TMPRSS11A: variants seen among roughly 807,000 people sequenced by gnomAD.
TMPRSS11A encodes the protein transmembrane protease serine 11A.
In TMPRSS11A, 53 loss-of-function variants were observed where a neutral mutation model predicts 58.9. That is an observed-to-expected ratio of 0.90 (90% confidence interval 0.72 to 1.13). The LOEUF is 1.13. TMPRSS11A is among the 50% of genes most tolerant of loss of function. TMPRSS11A has a pLI of 0.00. For synonymous variants in TMPRSS11A, 167 were observed against 169.8 expected (o/e 0.98, Z 0.13); for missense variants, 493 against 499.3 (o/e 0.99, Z 0.12).
chr4:67,939,191 G>A (rs770427437), intron 3 of TMPRSS11A, among the ~76,000 whole-genome samples: 40 of 151,884 alleles, frequency 2.6e-4, no homozygotes, highest in Non-Finnish European at 5.4e-4. Flanking sequence ...TTGAAAATGG[G>A]ATTGTGTTCT....
intron 9 of TMPRSS11A, among the ~76,000 whole-genome samples, chr4:67,914,149 T>C (rs774272236): frequency 3.3e-5 from 5 of 152,252 alleles, no homozygotes; most frequent in Non-Finnish European, 5.9e-5. Flanking sequence ...AACATTATTT[T>C]CTTATTCTGA....
At chr4:67,962,724 G>T (rs1721468386) in intron 1 of TMPRSS11A, among the ~76,000 whole-genome samples, 1 of 152,154 alleles carries the variant, frequency 6.6e-6, no homozygotes, top group Admixed American at 6.5e-5. Flanking sequence ...GTTATGCCAA[G>T]GAATCTTATT....
intron 9 of TMPRSS11A, among the ~76,000 whole-genome samples, chr4:67,911,906 A>G (rs1719990989): frequency 6.6e-6 from 1 of 152,128 alleles, no homozygotes; most frequent in South Asian, 2.1e-4. Context: ...CTAGGTTTAG[A>G]CAGTAAATAT....
At position 67,912,303 on chromosome 4, in the gene TMPRSS11A, C is replaced by CAT. The variant is rs1217173145; in HGVS notation, c.1096-801_1096-800insAT. On this transcript the variant is annotated intron_variant, in intron 9 of 9. Transcript: ENST00000508048. ...ATCAACACACACACACACACACACA[C>CAT]ACATACACACATACACATACACATA... Among the ~76,000 whole-genome samples, 99 of 151,998 alleles carry CAT rather than the reference C, an allele frequency of 6.5e-4. 1 individual carries two copies. Among genetic ancestry groups the CAT allele is most frequent in the East Asian group, 3.9e-4 (2 of 5,168 alleles).
At chr4:67,924,941 T>C (rs1393825054) in intron 5 of TMPRSS11A, among the ~76,000 whole-genome samples, 1 of 151,366 alleles carries the variant, frequency 6.6e-6, no homozygotes, top group Non-Finnish European at 1.5e-5. Flanking sequence ...TCTGCTTTGA[T>C]CTCTTCTATT....
intron 2 of TMPRSS11A, among the ~76,000 whole-genome samples, chr4:67,945,511 C>A (rs999956066): frequency 5.3e-5 from 8 of 152,278 alleles, no homozygotes; most frequent in African/African-American, 1.7e-4. Context: ...ATACTGTTAA[C>A]AAACCTTACT....
At chr4:67,946,732 A>AAG (rs749233021) in intron 1 of TMPRSS11A, among the ~76,000 whole-genome samples, 161 bp from the exon 2 acceptor site, 7 of 151,858 alleles carry the variant, frequency 4.6e-5, no homozygotes, top group Non-Finnish European at 7.4e-5. Flanking sequence ...GTGTTAAAAA[A>AAG]AAAAAATCAG....
In TMPRSS11A at chr4:67,963,417, T is replaced by C. The variant is rs1304612804; in HGVS notation, c.-24A>G. 1.3e-5 allele frequency: 21 copies of C among 1,613,508 alleles called. No individual in the cohort carries two copies. The highest frequency in any genetic ancestry group is 1.8e-5 in the Non-Finnish European group (21 of 1,179,756). On this transcript the variant is annotated 5_prime_UTR_variant, in exon 1 of 10. Coordinates refer to ENST00000508048, the MANE Select transcript of TMPRSS11A (RefSeq NM_001114387.2). ...ATGTACAGGAGGAAGAATATGATCTTGCAGGTCTGCACCCACTGAACTCAA... is the reference window on the plus strand; with the variant it reads ...ATGTACAGGAGGAAGAATATGATCTCGCAGGTCTGCACCCACTGAACTCAA...
chr4:67,954,469 C>A (rs1721235554), intron 1 of TMPRSS11A, among the ~76,000 whole-genome samples: 2 of 152,204 alleles, frequency 1.3e-5, no homozygotes, highest in African/African-American at 4.8e-5. Context: ...AGTTCTTATC[C>A]CTTCTAGATC....
chr4:67,919,003 T>C lies in TMPRSS11A; in HGVS notation c.922A>G (p.Ile308Val), dbSNP rs370630483. The C allele has an allele frequency of 6.2e-7, 1 of 1,614,152 alleles. No homozygotes were observed. Among genetic ancestry groups the C allele is most frequent in the Non-Finnish European group, 8.5e-7 (1 of 1,180,006 alleles). Residue 308 changes from isoleucine to valine, a missense_variant, in exon 8 of 10, where the codon ATC becomes GTC. Transcript: ENST00000508048. ...ASFQPNLTVH[I>V]TGFGALYYGG... ...TAGTAAAGTGCTCCAAATCCTGTGA[T>C]GTGGACAGTCAAATTTGGTTGGAAG...
Position 67,940,552 on chromosome 4 carries a change from C to T in TMPRSS11A, c.252+3967G>A, listed in dbSNP as rs763890718. ...TAGAAGTGTTCATAAGAGTCTCAGA[C>T]GATCTTTTGTATTTCTGTGGGATTG... On this transcript the variant is annotated intron_variant, in intron 3 of 9. Coordinates refer to ENST00000508048, the MANE Select transcript of TMPRSS11A (RefSeq NM_001114387.2). 5.3e-5 allele frequency among the ~76,000 whole-genome samples: 8 copies of T among 152,196 alleles called. No individual in the cohort carries two copies. In the East Asian group the frequency reaches 1.3e-3, roughly 26 times the overall value.
intron 3 of TMPRSS11A, among the ~76,000 whole-genome samples, chr4:67,937,755 T>C (rs1157628328): frequency 6.6e-6 from 1 of 152,148 alleles, no homozygotes; most frequent in Non-Finnish European, 1.5e-5. Context: ...TTCCATGGTA[T>C]ATATAGATAT....
intron 3 of TMPRSS11A, among the ~76,000 whole-genome samples, chr4:67,933,604 T>C (rs1461808628): frequency 6.6e-6 from 1 of 152,150 alleles, no homozygotes; most frequent in Non-Finnish European, 1.5e-5. Flanking sequence ...GGTACTTAAA[T>C]AAAGAAAGCC....
chr4:67,922,990 T>G (rs777944558), intron 6 of TMPRSS11A, 64 bp from the exon 7 acceptor site: 177 of 1,548,998 alleles, frequency 1.1e-4, no homozygotes, highest in Non-Finnish European at 1.4e-4. Context: ...ATGACCCCAT[T>G]CTTACTTGCC....
chr4:67,931,005 T>C, intron 4 of TMPRSS11A, among the ~76,000 whole-genome samples: 1 of 152,050 alleles, frequency 6.6e-6, no homozygotes, highest in East Asian at 1.9e-4. Flanking sequence ...TTTTACTTCT[T>C]AAATCTGAGG....
intron 1 of TMPRSS11A, among the ~76,000 whole-genome samples, chr4:67,962,415 A>AT (rs1278566571): frequency 2.6e-5 from 4 of 152,136 alleles, no homozygotes; most frequent in African/African-American, 9.7e-5. Context: ...GCAGTAGCTG[A>AT]TAAGGAAGAC....
intron 1 of TMPRSS11A, among the ~76,000 whole-genome samples, chr4:67,952,988 G>T (rs1721200486): frequency 6.6e-6 from 1 of 152,140 alleles, no homozygotes; most frequent in Admixed American, 6.5e-5. Flanking sequence ...ATGGACAGGG[G>T]TAGGGGGGGT....
intron 3 of TMPRSS11A, among the ~76,000 whole-genome samples, chr4:67,940,009 T>G (rs1178121614): frequency 6.6e-6 from 1 of 152,206 alleles, no homozygotes; most frequent in Non-Finnish European, 1.5e-5. Flanking sequence ...TTTTTGTTTT[T>G]AATTCGGTTT....
chr4:67,946,657 G>C, intron 1 of TMPRSS11A, 86 bp from the exon 2 acceptor site: 1 of 1,359,604 alleles, frequency 7.4e-7, no homozygotes, highest in Non-Finnish European at 9.7e-7. Flanking sequence ...TCAAGTTGCT[G>C]TAGCCTACCT....
Sources: gnomAD v4.1 joint callset for allele counts (sites outside exome capture counted in the v4.1 genomes callset) on GRCh38, gnomAD v4.1.1 for gene constraint, MANE v1.5 for transcripts, NCBI Gene and HGNC (gene_info 2026-07-23, HGNC 2026-07-21) for gene names.